Variants in PDZD2 observed in about 807,000 individuals in gnomAD.
PDZD2 encodes the protein PDZ domain containing 2, also known as PDZ domain-containing protein 2.
PDZD2 carries 90 observed loss-of-function variants against 220.7 expected under a neutral mutation model. The ratio of observed to expected loss-of-function variants is 0.41; its 90% confidence interval spans 0.34 to 0.49. The LOEUF (loss-of-function observed/expected upper bound fraction) is 0.49, where lower values mean the gene tolerates loss of function less well. Ranked by LOEUF, PDZD2 falls within the 20% of genes least tolerant of loss-of-function variation. PDZD2 has a pLI of 0.28. For missense variants in PDZD2, 3,174 were observed against 3,608.5 expected, an observed-to-expected ratio of 0.88 and a Z score of 3.08; for synonymous variants, 1,375 against 1,450.5, an observed-to-expected ratio of 0.95 and a Z score of 1.18.
chr5:31,692,111 GA>G (rs961079676), intron 1 of PDZD2, among the ~76,000 whole-genome samples: 1 of 152,202 alleles, frequency 6.6e-6, no homozygotes, highest in Non-Finnish European at 1.5e-5. Context: ...CCACGGAGTG[GA>G]GGGGAGGCTC....
At chr5:31,902,478 CT>C (rs1026684309) in intron 2 of PDZD2, among the ~76,000 whole-genome samples, 8 of 145,212 alleles carry the variant, frequency 5.5e-5, no homozygotes, top group Admixed American at 2.1e-4. Flanking sequence ...GATTTGGATA[CT>C]TTTTTTTCTT....
chr5:31,817,494 GA>G (rs1015978745), intron 2 of PDZD2, among the ~76,000 whole-genome samples: 17 of 142,396 alleles, frequency 1.2e-4, no homozygotes, highest in Admixed American at 2.8e-4. Context: ...CTCCATCTCA[GA>G]AAAAAAAAAA....
chr5:31,714,126 C>G (rs1158763330), intron 1 of PDZD2, among the ~76,000 whole-genome samples: 1 of 152,166 alleles, frequency 6.6e-6, no homozygotes, highest in Non-Finnish European at 1.5e-5. Context: ...ATTTGTCTTT[C>G]CCTGCAAACA....
At position 32,088,883 on chromosome 5, in the gene PDZD2, C is replaced by T. The variant is rs763124824; in HGVS notation, c.5435C>T (p.Thr1812Ile). The change falls in exon 20 of 25, where the codon ACA becomes ATA. Residue 1812 changes from threonine to isoleucine, a missense_variant. Thr to Ile is a moderately conservative substitution (Grantham distance 89). Around this residue, in one of 4 missense-constraint regions of PDZD2, gnomAD observed 1,861 missense variants for 2,001.0 expected, o/e 0.93. Coordinates refer to ENST00000438447, the MANE Select transcript of PDZD2 (RefSeq NM_178140.4). This position sits in a 1 kb window ranked among gnomAD's most constrained non-coding sequence, Gnocchi z 4.6. ...FKEINKHNQG[T>I]HLRSKTEKEQ... ...GAAATAAATAAACATAACCAAGGCA[C>T]ACATTTGAGGAGCAAAACCGAGAAG... 2 of 1,614,038 alleles carry T rather than the reference C, an allele frequency of 1.2e-6. No homozygotes were observed. The highest frequency in any genetic ancestry group is 1.1e-5 in the South Asian group (1 of 91,070).
chr5:31,678,458 G>A (rs527563563), intron 1 of PDZD2, among the ~76,000 whole-genome samples: 52 of 151,772 alleles, frequency 3.4e-4, no homozygotes, highest in Non-Finnish European at 5.6e-4. Flanking sequence ...TTCTGGTGGG[G>A]GACGTCTGGA....
At chr5:31,849,967 T>TATATATATACATATATATATATACAC in intron 2 of PDZD2, among the ~76,000 whole-genome samples, 2 of 17,094 alleles carry the variant, frequency 1.2e-4, no homozygotes, top group South Asian at 3.9e-3. Context: ...TATATACACA[T>TATATATATACATATATATATATACAC]ATATATATAT....
intron 16 of PDZD2, 22 bp from the exon 17 acceptor site, chr5:32,072,139 C>A (rs781780027): frequency 1.3e-6 from 2 of 1,571,538 alleles, no homozygotes; most frequent in Non-Finnish European, 1.7e-6. Context: ...TCTTAGTTAT[C>A]GGATGTTTTC....
chr5:31,971,566 T>C (rs1383293283), intron 2 of PDZD2, among the ~76,000 whole-genome samples: 2 of 152,180 alleles, frequency 1.3e-5, no homozygotes, highest in African/African-American at 2.4e-5. Flanking sequence ...AAAGCTGTTG[T>C]CTCTAGCTTC....
intron 1 of PDZD2, among the ~76,000 whole-genome samples, chr5:31,794,191 C>G (rs542231241): frequency 2.0e-5 from 3 of 152,084 alleles, no homozygotes; most frequent in Non-Finnish European, 2.9e-5. Flanking sequence ...CTGACATTAC[C>G]ATAGTTACCA....
At chr5:32,082,732 G>A (rs1202312112) in intron 19 of PDZD2, among the ~76,000 whole-genome samples, 1 of 152,264 alleles carries the variant, frequency 6.6e-6, no homozygotes, top group East Asian at 1.9e-4. Flanking sequence ...ATGTGTGTAT[G>A]TATACCTACA....
intron 2 of PDZD2, among the ~76,000 whole-genome samples, chr5:31,865,241 A>G (rs368243620): frequency 2.1e-4 from 32 of 152,260 alleles, no homozygotes; most frequent in African/African-American, 7.5e-4. Flanking sequence ...TTCTCCCTCC[A>G]ATGTCTTACA....
At chr5:31,815,005 G>C (rs1755347544) in intron 2 of PDZD2, among the ~76,000 whole-genome samples, 1 of 151,720 alleles carries the variant, frequency 6.6e-6, no homozygotes, top group Admixed American at 6.6e-5. Flanking sequence ...CACTTCAGGA[G>C]GCTAAAGTGG....
intron 6 of PDZD2, among the ~76,000 whole-genome samples, chr5:32,022,201 T>C (rs200178090): frequency 7.5e-6 from 1 of 133,244 alleles, no homozygotes; most frequent in Non-Finnish European, 1.6e-5. Flanking sequence ...TTGTTTTTTG[T>C]TTTTTTTTGG....
At chr5:31,891,159 C>G (rs1296913217) in intron 2 of PDZD2, among the ~76,000 whole-genome samples, 4 of 110,798 alleles carry the variant, frequency 3.6e-5, no homozygotes, top group Non-Finnish European at 5.1e-5. Context: ...TTTTTTGAGA[C>G]GGAGTCTCGC....
intron 2 of PDZD2, among the ~76,000 whole-genome samples, chr5:31,835,074 C>T (rs17507867): frequency 0.087 from 13,239 of 152,026 alleles, 735 homozygotes; most frequent in Middle Eastern, 0.14. Flanking sequence ...CTTTGATAGC[C>T]TCGTGAAGTG....
intron 1 of PDZD2, among the ~76,000 whole-genome samples, chr5:31,732,159 C>T (rs1290075465): frequency 6.6e-6 from 1 of 152,224 alleles, no homozygotes; most frequent in Non-Finnish European, 1.5e-5. Flanking sequence ...CTGTCTATAG[C>T]TAGCCTGACC....
intron 2 of PDZD2, among the ~76,000 whole-genome samples, chr5:31,908,115 A>G (rs7712633): frequency 0.46 from 65,423 of 142,514 alleles, 17,541 homozygotes; most frequent in Non-Finnish European, 0.6. Context: ...AAAAGAAAGA[A>G]AAGGATCAGG....
chr5:31,989,448 A>G (rs1488959700), intron 3 of PDZD2, among the ~76,000 whole-genome samples: 1 of 120,770 alleles, frequency 8.3e-6, no homozygotes, highest in South Asian at 3.1e-4. Flanking sequence ...TTTGAGACGA[A>G]GTCTCACTCC....
At chr5:31,788,237 A>G (rs1753491778) in intron 1 of PDZD2, among the ~76,000 whole-genome samples, 1 of 151,930 alleles carries the variant, frequency 6.6e-6, no homozygotes, top group East Asian at 1.9e-4. Flanking sequence ...TGGGCATGAT[A>G]GTGGGTGCCT....
Sources: allele counts gnomAD v4.1 joint callset (sites outside exome capture counted in the v4.1 genomes callset), GRCh38; gene constraint gnomAD v4.1.1; regional missense constraint gnomAD v4.1.1; non-coding constraint Gnocchi (gnomAD v3.1); transcripts MANE v1.5; gene names NCBI Gene and HGNC (gene_info 2026-07-23, HGNC 2026-07-21).